The following RIPOR3 variants were observed in gnomAD, a reference collection of about 807,000 sequenced individuals.
The protein encoded by RIPOR3 is family with sequence similarity 65 member C.
RIPOR3 carries 95 observed loss-of-function variants against 114.3 expected under a neutral mutation model. That is an observed-to-expected ratio of 0.83 (90% confidence interval 0.70 to 0.99). The LOEUF (loss-of-function observed/expected upper bound fraction) is 0.99, where lower values mean the gene tolerates loss of function less well. Among genes scored for constraint, RIPOR3 ranks in the 50% least tolerant of loss-of-function variants. RIPOR3 has a pLI of 0.00. For missense variants in RIPOR3, 1,252 were observed against 1,266.9 expected (o/e 0.99, Z 0.18); for synonymous variants, 575 against 543.8 (o/e 1.06, Z -0.80).
rs2084989358 is a variant in RIPOR3, at chr20:50,636,446, G to C, written c.4-5590C>G. The C allele has an allele frequency of 3.5e-6, 2 of 578,750 alleles. 1 individual carries two copies. Among genetic ancestry groups the C allele is most frequent in the Admixed American group, 1.3e-4 (2 of 15,818 alleles). 35.9% of individuals were successfully genotyped at this position (578,750 alleles called of 1,614,324 possible). A position where few individuals can be genotyped will look rare whatever the true frequency, so the allele number is the denominator to read the frequency against. Reference sequence around the variant, plus strand: ...TAGGAGGTCCCTGGGGAGGCATCAGGAAGAGAGGAGGAATGCTCGGGTGGC... The same window carrying C: ...TAGGAGGTCCCTGGGGAGGCATCAGCAAGAGAGGAGGAATGCTCGGGTGGC... On this transcript the variant is annotated intron_variant, in intron 1 of 21. Coordinates refer to ENST00000327979, the MANE Select transcript of RIPOR3 (RefSeq NM_001290268.2).
chr20:50,588,765 A>AG (rs1180827156), intron 20 of RIPOR3, among the ~76,000 whole-genome samples: 1 of 150,582 alleles, frequency 6.6e-6, no homozygotes, highest in African/African-American at 2.5e-5. Context: ...AAAAAAAAAA[A>AG]AAAGAAAAAA....
At chr20:50,596,041 CA>C in intron 15 of RIPOR3, 98 bp downstream of exon 15, 1 of 1,533,528 alleles carries the variant, frequency 6.5e-7, no homozygotes, top group Non-Finnish European at 8.9e-7. Context: ...GCAGGTCTGT[CA>C]CCCCTTCATG....
intron 2 of RIPOR3, among the ~76,000 whole-genome samples, chr20:50,629,031 C>A (rs2084723856): frequency 6.6e-6 from 1 of 152,158 alleles, no homozygotes; most frequent in African/African-American, 2.4e-5. Context: ...GAAGCCAATG[C>A]CTGCAGGTGA....
intron 17 of RIPOR3, among the ~76,000 whole-genome samples, chr20:50,593,583 A>G (rs2083184491): frequency 6.6e-6 from 1 of 151,682 alleles, no homozygotes; most frequent in Admixed American, 6.6e-5. Context: ...AAAAAAAAAA[A>G]GGGTTTCTGA....
Position 50,620,072 on chromosome 20 carries a change from G to C in RIPOR3, c.183C>G (p.Tyr61Ter). The C allele has an allele frequency of 6.2e-7, 1 of 1,614,144 alleles. No homozygotes were observed. The highest frequency in any genetic ancestry group is 8.5e-7 in the Non-Finnish European group (1 of 1,180,036). ...AGACCGACCCCTTCCGCAGCGTGCCGTACATCTTGGAGGATTTTGCAGGCA... is the reference window on the plus strand; with the variant it reads ...AGACCGACCCCTTCCGCAGCGTGCCCTACATCTTGGAGGATTTTGCAGGCA... Reference protein sequence around the residue: ...SRMPAKSSKMYGTLRKGSVCA... With the variant: ...SRMPAKSSKM The change falls in exon 3 of 22, where the codon TAC (tyrosine) becomes TAG (stop). Residue 61 changes from tyrosine to a stop codon, truncating the protein, a stop_gained. Transcript: ENST00000327979. LOFTEE classifies it high-confidence loss of function.
intron 3 of RIPOR3, among the ~76,000 whole-genome samples, chr20:50,618,382 A>G (rs551636413): frequency 2.0e-5 from 3 of 150,504 alleles, no homozygotes; most frequent in Non-Finnish European, 4.4e-5. Context: ...TTTGGCCCAC[A>G]GGGCCCCCTG....
chr20:50,663,556 G>T (rs1157064103), intron 1 of RIPOR3, among the ~76,000 whole-genome samples: 1 of 152,114 alleles, frequency 6.6e-6, no homozygotes, highest in East Asian at 1.9e-4. Context: ...GAGCACATGA[G>T]CCCAAGGTCA....
In RIPOR3 at chr20:50,586,643, G is replaced by A. The variant is rs779947453; in HGVS notation, c.*589C>T. ...CCGTCTGTGAGCTCCACCAGCACTCGCAGCAAGTCAGTCGGGCTGAGAGTG... is the reference window on the plus strand; with the variant it reads ...CCGTCTGTGAGCTCCACCAGCACTCACAGCAAGTCAGTCGGGCTGAGAGTG... On this transcript the variant is annotated 3_prime_UTR_variant, in exon 22 of 22. Transcript: ENST00000327979. The A allele has an allele frequency of 6.5e-6, 1 of 153,764 alleles. No homozygotes were observed. Among genetic ancestry groups the A allele is most frequent in the Non-Finnish European group, 1.4e-5 (1 of 68,990 alleles). 9.5% of individuals were successfully genotyped at this position (153,764 alleles called of 1,614,324 possible).
intron 1 of RIPOR3, among the ~76,000 whole-genome samples, chr20:50,663,283 C>T (rs1280579526): frequency 6.6e-6 from 1 of 152,112 alleles, no homozygotes; most frequent in Non-Finnish European, 1.5e-5. Context: ...TGCCTCCCAT[C>T]AGCACCTTAC....
intron 1 of RIPOR3, among the ~76,000 whole-genome samples, chr20:50,660,925 C>G (rs2085973899): frequency 1.3e-5 from 2 of 151,036 alleles, no homozygotes; most frequent in African/African-American, 4.9e-5. Context: ...ACCACCACAC[C>G]TGGCTAATTA....
chr20:50,588,101 C>A (rs953336317), intron 20 of RIPOR3, among the ~76,000 whole-genome samples: 3 of 152,244 alleles, frequency 2.0e-5, no homozygotes, highest in African/African-American at 4.8e-5. Flanking sequence ...TCAGCCCTTA[C>A]ACCCGCTAGG....
chr20:50,667,752 C>A (rs1000506012), intron 1 of RIPOR3, among the ~76,000 whole-genome samples: 2 of 152,128 alleles, frequency 1.3e-5, no homozygotes, highest in Non-Finnish European at 2.9e-5. Context: ...TTTTCTTCTC[C>A]CCTTCAGGAA....
chr20:50,675,318 G>A (rs889750083), intron 1 of RIPOR3, among the ~76,000 whole-genome samples: 2 of 152,200 alleles, frequency 1.3e-5, no homozygotes, highest in Non-Finnish European at 2.9e-5. Context: ...CATTACAGCA[G>A]TCCTAGGAAG....
intron 1 of RIPOR3, among the ~76,000 whole-genome samples, chr20:50,646,059 G>A (rs190650533): frequency 3.5e-4 from 53 of 152,334 alleles, no homozygotes; most frequent in African/African-American, 1.2e-3. Context: ...CAGGGAGGCA[G>A]AAAAGTCAGA....
intron 1 of RIPOR3, among the ~76,000 whole-genome samples, chr20:50,633,506 T>TC (rs1158955837): frequency 6.6e-6 from 1 of 151,656 alleles, no homozygotes; most frequent in Non-Finnish European, 1.5e-5. Flanking sequence ...AACTGCTTGA[T>TC]CCCCCCAGCC....
At chr20:50,610,766 C>T (rs2083947042) in intron 6 of RIPOR3, 87 bp downstream of exon 6, 3 of 1,576,900 alleles carry the variant, frequency 1.9e-6, no homozygotes, top group African/African-American at 1.3e-5. Context: ...GTTTCGAGGG[C>T]ACCTCCCCAG....
intron 2 of RIPOR3, among the ~76,000 whole-genome samples, chr20:50,630,103 G>A (rs533534328): frequency 6.6e-6 from 1 of 152,226 alleles, no homozygotes; most frequent in South Asian, 2.1e-4. Context: ...AAGTAGCTGG[G>A]ATTACAGGCA....
In RIPOR3 at chr20:50,604,957, G is replaced by A. The variant is rs551785997; in HGVS notation, c.957-183C>T. 6.6e-5 allele frequency among the ~76,000 whole-genome samples: 10 copies of A among 152,270 alleles called. No individual in the cohort carries two copies. In the South Asian group the frequency reaches 1.9e-3, roughly 28 times the overall value. On this transcript the variant is annotated intron_variant, in intron 11 of 21. Coordinates refer to ENST00000327979, the MANE Select transcript of RIPOR3 (RefSeq NM_001290268.2). ...CTTGTTTTTGAGACAGGGTCTTGCT[G>A]TGATGCCCAGGTTGGAATGCAGTGG...
At chr20:50,678,350 T>C (rs1230945076) in intron 1 of RIPOR3, among the ~76,000 whole-genome samples, 1 of 152,182 alleles carries the variant, frequency 6.6e-6, no homozygotes, top group African/African-American at 2.4e-5. Context: ...ACTCACCAGA[T>C]GGACACAGCA....
Sources: gnomAD v4.1 joint callset for allele counts (sites outside exome capture counted in the v4.1 genomes callset) on GRCh38, gnomAD v4.1.1 for gene constraint, MANE v1.5 for transcripts, NCBI Gene and HGNC (gene_info 2026-07-23, HGNC 2026-07-21) for gene names.